The following SUSD5 variants were observed in gnomAD, a reference collection of about 807,000 sequenced individuals.
The protein encoded by SUSD5 is sushi domain-containing protein 5.
Under a neutral mutation model 29.5 loss-of-function variants are expected in SUSD5, and 33 were observed. The observed-to-expected ratio is 1.12, with a 90% CI of 0.85 to 1.49. The LOEUF (loss-of-function observed/expected upper bound fraction) is 1.49. Among genes scored for constraint, SUSD5 ranks in the 40% most tolerant of loss-of-function variants. The pLI, the probability that SUSD5 is intolerant of heterozygous loss-of-function variation, is 0.00. For missense variants in SUSD5, 776 were observed against 800.6 expected (o/e 0.97, Z 0.37); for synonymous variants, 308 against 325.3 (o/e 0.95, Z 0.57).
intron 2 of SUSD5, among the ~76,000 whole-genome samples, chr3:33,209,790 G>A (rs1490777552): frequency 1.3e-5 from 2 of 151,628 alleles, no homozygotes; most frequent in African/African-American, 4.9e-5. Context: ...TGGGACTATA[G>A]GCATGCACCA....
Position 33,150,524 on chromosome 3 carries a change from T to C in SUSD5, c.*2218A>G, listed in dbSNP as rs1039054291. ...AGTTATCTTGCAGTAGATTAGGATC[T>C]AATTTATAAATATATACAGTCTCTG... On this transcript the variant is annotated 3_prime_UTR_variant, in exon 5 of 5. Transcript: ENST00000309558. 6.6e-6 allele frequency: 1 copy of C among 152,238 alleles called. No homozygotes were observed. The highest frequency in any genetic ancestry group is 2.4e-5 in the African/African-American group (1 of 41,472). 9.4% of individuals were successfully genotyped at this position (152,238 alleles called of 1,614,324 possible). A position where few individuals can be genotyped will look rare whatever the true frequency, so the allele number is the denominator to read the frequency against.
intron 4 of SUSD5, among the ~76,000 whole-genome samples, chr3:33,166,432 A>T (rs1320019075): frequency 6.6e-6 from 1 of 152,216 alleles, no homozygotes; most frequent in Non-Finnish European, 1.5e-5. Flanking sequence ...GGTGCTTGAC[A>T]CTTGAACCCT....
chr3:33,179,199 G>C (rs2031616491), intron 3 of SUSD5, among the ~76,000 whole-genome samples: 1 of 152,190 alleles, frequency 6.6e-6, no homozygotes, highest in South Asian at 2.1e-4. Flanking sequence ...TGTAGGCATA[G>C]AGTTGTTCAT....
At position 33,153,028 on chromosome 3, in the gene SUSD5, T is replaced by C; in HGVS notation, c.1604A>G (p.Tyr535Cys). Reference protein sequence around the residue: ...TVPEIQDSFPYLLSEDFFGQE... With the variant: ...TVPEIQDSFPCLLSEDFFGQE... ...TCCAAAGAAGTCTTCAGACAGCAGG[T>C]ATGGGAAGCTATCCTGGATCTCAGG... Residue 535 changes from tyrosine to cysteine, a missense_variant, in exon 5 of 5, where the codon TAC becomes TGC. Physicochemically the swap from Tyr to Cys is radical, Grantham distance 194. Coordinates refer to ENST00000309558, the MANE Select transcript of SUSD5 (RefSeq NM_015551.2). 6.2e-7 allele frequency: 1 copy of C among 1,613,722 alleles called. No individual in the cohort carries two copies. The highest frequency in any genetic ancestry group is 8.5e-7 in the Non-Finnish European group (1 of 1,179,776).
chr3:33,168,841 G>C (rs1439828929), intron 4 of SUSD5, among the ~76,000 whole-genome samples: 1 of 152,174 alleles, frequency 6.6e-6, no homozygotes, highest in African/African-American at 2.4e-5. Flanking sequence ...GTACAGACAG[G>C]GTTTGGCCAT....
chr3:33,198,956 T>C (rs9868514), intron 3 of SUSD5, among the ~76,000 whole-genome samples: 1,710 of 152,194 alleles, frequency 0.011, 29 homozygotes, highest in African/African-American at 0.039. Context: ...CCCAAAATAT[T>C]GAAGAAGGCC....
At chr3:33,202,320 G>A (rs1363853433) in intron 3 of SUSD5, among the ~76,000 whole-genome samples, 1 of 152,072 alleles carries the variant, frequency 6.6e-6, no homozygotes, top group Non-Finnish European at 1.5e-5. Flanking sequence ...TTATTCCTGA[G>A]ACACCAGGCC....
Position 33,152,512 on chromosome 3 carries a change from G to A in SUSD5, c.*230C>T. The A allele has an allele frequency of 1.8e-6, 1 of 547,266 alleles. No homozygotes were observed. Among genetic ancestry groups the A allele is most frequent in the Admixed American group, 3.5e-5 (1 of 28,968 alleles). The allele number at this position is 547,266 out of a possible 1,614,324, so 33.9% of individuals were successfully genotyped here. A position where few individuals can be genotyped will look rare whatever the true frequency, so the allele number is the denominator to read the frequency against. ...CAAGCACAGGTCTGGGATTAGTGTA[G>A]TCAATTCCAGGGCAGATGGTGGAGG... On this transcript the variant is annotated 3_prime_UTR_variant, in exon 5 of 5. Transcript: ENST00000309558.
At position 33,152,438 on chromosome 3, in the gene SUSD5, C is replaced by G. The variant is rs1424835849; in HGVS notation, c.*304G>C. On this transcript the variant is annotated 3_prime_UTR_variant, in exon 5 of 5. Transcript: ENST00000309558. The stretch of plus-strand genomic sequence containing the variant: ...CTGTCTCAAAAAAAAAAAGATAATA[C>G]TGTGATGAAGGAAGAGGCGATTTTT... 6.3e-6 allele frequency: 2 copies of G among 316,736 alleles called. No homozygotes were observed. Among genetic ancestry groups the G allele is most frequent in the Admixed American group, 9.2e-5 (2 of 21,798 alleles). The allele number at this position is 316,736 out of a possible 1,614,324, so 19.6% of individuals were successfully genotyped here.
intron 4 of SUSD5, among the ~76,000 whole-genome samples, chr3:33,160,014 C>A (rs2031147438): frequency 2.0e-5 from 3 of 152,106 alleles, no homozygotes; most frequent in Non-Finnish European, 4.4e-5. Flanking sequence ...AGACCAGTAA[C>A]CAGGAGGGCT....
rs372702857 is a variant in SUSD5, at chr3:33,153,094, G to A, written c.1538C>T (p.Thr513Met). The A allele has an allele frequency of 3.4e-5, 55 of 1,613,906 alleles. No homozygotes were observed. The African/African-American group carries it at 4.4e-4, about 13-fold the overall frequency. Residue 513 changes from threonine to methionine, a missense_variant, in exon 5 of 5, where the codon ACG becomes ATG. Transcript: ENST00000309558. ...TGGAGGCTGGGTGGTTGCCATGATC[G>A]TTGAGGGGATGTGGTTAGGTGTCTG... is the stretch of plus-strand genomic sequence containing the variant. ...VKQTPNHIPSTIMATTQPPVE... is the reference protein window; with the variant it reads ...VKQTPNHIPSMIMATTQPPVE...
At chr3:33,156,212 G>T (rs1029988573) in intron 4 of SUSD5, among the ~76,000 whole-genome samples, 6 of 151,830 alleles carry the variant, frequency 4.0e-5, no homozygotes, top group African/African-American at 1.4e-4. Context: ...AGCTAATTTT[G>T]GTATTTTCAG....
chr3:33,181,777 G>A (rs2031678310), intron 3 of SUSD5, among the ~76,000 whole-genome samples: 1 of 152,158 alleles, frequency 6.6e-6, no homozygotes, highest in South Asian at 2.1e-4. Flanking sequence ...ACAGTATTCA[G>A]TACAGTAACA....
intron 3 of SUSD5, among the ~76,000 whole-genome samples, chr3:33,201,943 C>A (rs930778319): frequency 7.2e-5 from 11 of 152,186 alleles, no homozygotes; most frequent in East Asian, 1.9e-4. Context: ...TCTCTAATAA[C>A]CTTTCTCCTT....
rs757305072 is a variant in SUSD5 at position 33,207,906 on chromosome 3, C to G, written c.311G>C (p.Gly104Ala). ...TCTCATGATTTGCTGTTCTCCACTT[C>G]CTTTGCTACACACAGTTGTTCTGAA... ...GTLGTTVCSK[G>A]SGEQQIMRAV... is the part of the protein sequence containing the mutation. The change falls in exon 3 of 5, where the codon GGA becomes GCA. Residue 104 changes from glycine (G) to alanine (A), a missense_variant. By Grantham distance (60) the Gly-to-Ala change is moderately conservative. Transcript: ENST00000309558. 6 of 1,613,796 alleles carry G rather than the reference C, an allele frequency of 3.7e-6. No homozygotes were observed. Among genetic ancestry groups the G allele is most frequent in the East Asian group, 2.2e-5 (1 of 44,858 alleles).
chr3:33,158,033 T>G lies in SUSD5; in HGVS notation c.599-4000A>C, dbSNP rs150683357. On this transcript the variant is annotated intron_variant, in intron 4 of 4. Transcript: ENST00000309558. ...TGTCCCTAAAGTAGAACAGTGCTTA[T>G]CTACTATAGGTATTCTTATAGGTAT... Among the ~76,000 whole-genome samples the G allele has an allele frequency of 8.1e-3, 1,233 of 152,374 alleles. 8 individuals carry two copies. The highest frequency in any genetic ancestry group is 0.014 in the Non-Finnish European group (933 of 68,038).
intron 4 of SUSD5, among the ~76,000 whole-genome samples, chr3:33,166,231 T>A (rs1201637915): frequency 6.6e-6 from 1 of 152,224 alleles, no homozygotes; most frequent in Non-Finnish European, 1.5e-5. Flanking sequence ...CTTTGCTAAT[T>A]AATACCCTGA....
intron 4 of SUSD5, among the ~76,000 whole-genome samples, chr3:33,155,230 T>C (rs910958419): frequency 6.6e-6 from 1 of 152,178 alleles, no homozygotes; most frequent in Non-Finnish European, 1.5e-5. Flanking sequence ...CACAAATCTA[T>C]ACTAAGTAGA....
At chr3:33,157,439 G>A (rs1399427656) in intron 4 of SUSD5, among the ~76,000 whole-genome samples, 1 of 152,162 alleles carries the variant, frequency 6.6e-6, no homozygotes, top group Non-Finnish European at 1.5e-5. Context: ...ATACAGACAA[G>A]TCACACTGAG....
Sources: gnomAD v4.1 joint callset for allele counts (sites outside exome capture counted in the v4.1 genomes callset) on GRCh38, gnomAD v4.1.1 for gene constraint, MANE v1.5 for transcripts, NCBI Gene and HGNC (gene_info 2026-07-23, HGNC 2026-07-21) for gene names.